CAMKMT: variants seen among roughly 807,000 people sequenced by gnomAD.
CAMKMT encodes calmodulin-lysine N-methyltransferase.
Under a neutral mutation model 48.0 loss-of-function variants are expected in CAMKMT, and 53 were observed. That is an observed-to-expected ratio of 1.10 (90% confidence interval 0.89 to 1.39). The LOEUF (loss-of-function observed/expected upper bound fraction) is 1.39. CAMKMT is among the 40% of genes most tolerant of loss of function. The pLI is 0.00. For missense variants in CAMKMT, 428 were observed against 402.7 expected (o/e 1.06, Z -0.54); for synonymous variants, 165 against 152.3 (o/e 1.08, Z -0.61).
At chr2:44,569,881 G>T (rs1198410646) in intron 3 of CAMKMT, among the ~76,000 whole-genome samples, 4 of 152,266 alleles carry the variant, frequency 2.6e-5, no homozygotes. Flanking sequence ...GATTTTATTT[G>T]TGTAAGGAGT....
chr2:44,556,393 C>T (rs949075684), intron 3 of CAMKMT, among the ~76,000 whole-genome samples: 4 of 150,128 alleles, frequency 2.7e-5, no homozygotes, highest in African/African-American at 9.8e-5. Flanking sequence ...CCTGCCTCGG[C>T]CTCTCAAAGT....
At chr2:44,688,947 T>C (rs1390748510) in intron 3 of CAMKMT, among the ~76,000 whole-genome samples, 1 of 152,216 alleles carries the variant, frequency 6.6e-6, no homozygotes. Flanking sequence ...GTGTAGAGCA[T>C]GCATTCCACA....
intron 3 of CAMKMT, among the ~76,000 whole-genome samples, chr2:44,701,977 T>C (rs537062645): frequency 6.6e-6 from 1 of 151,546 alleles, no homozygotes; most frequent in African/African-American, 2.4e-5. Context: ...GATTTTTTTT[T>C]TTACTTTGTT....
At chr2:44,603,365 A>T (rs1366260312) in intron 3 of CAMKMT, among the ~76,000 whole-genome samples, 3 of 152,200 alleles carry the variant, frequency 2.0e-5, no homozygotes, top group Admixed American at 1.3e-4. Context: ...TGCTGAGATT[A>T]CAGGCATGAG....
intron 6 of CAMKMT, among the ~76,000 whole-genome samples, chr2:44,711,752 T>C (rs1438440416): frequency 6.6e-6 from 1 of 152,220 alleles, no homozygotes; most frequent in African/African-American, 2.4e-5. Context: ...TTGACGTGAA[T>C]TGGGCACCTA....
chr2:44,491,924 GT>G (rs1400032791), intron 3 of CAMKMT, among the ~76,000 whole-genome samples: 1 of 152,140 alleles, frequency 6.6e-6, no homozygotes, highest in Non-Finnish European at 1.5e-5. Context: ...AATCAATTAA[GT>G]AATTAGATTT....
chr2:44,583,170 T>C (rs1402955185), intron 3 of CAMKMT, among the ~76,000 whole-genome samples: 1 of 152,194 alleles, frequency 6.6e-6, no homozygotes, highest in African/African-American at 2.4e-5. Flanking sequence ...AGGAGCTTTA[T>C]TGATTAAAAT....
At chr2:44,520,553 C>T (rs772447809) in intron 3 of CAMKMT, among the ~76,000 whole-genome samples, 10 of 152,112 alleles carry the variant, frequency 6.6e-5, no homozygotes, top group Non-Finnish European at 8.8e-5. Context: ...GTCATGGTAC[C>T]TGCTCCTCTT....
At chr2:44,546,012 T>A (rs1667373965) in intron 3 of CAMKMT, among the ~76,000 whole-genome samples, 2 of 152,070 alleles carry the variant, frequency 1.3e-5, no homozygotes, top group Admixed American at 1.3e-4. Flanking sequence ...AAAAATAAAC[T>A]GTAAGTAAAT....
chr2:44,693,134 C>G (rs1181763122), intron 3 of CAMKMT, among the ~76,000 whole-genome samples: 2 of 152,198 alleles, frequency 1.3e-5, no homozygotes, highest in Non-Finnish European at 2.9e-5. Context: ...ACCACCAGCT[C>G]TCATCTGGAT....
chr2:44,756,359 A>C (rs141004150), intron 9 of CAMKMT, among the ~76,000 whole-genome samples: 2 of 152,168 alleles, frequency 1.3e-5, no homozygotes, highest in Non-Finnish European at 2.9e-5. Context: ...GTTTTATTTC[A>C]TTACAATTAG....
Position 44,527,949 on chromosome 2 carries a change from C to CAAATGTATAA in CAMKMT, c.376+137645_376+137646insAATGTATAAA, listed in dbSNP as rs566888243. 3.9e-3 allele frequency among the ~76,000 whole-genome samples: 601 copies of CAAATGTATAA among 152,198 alleles called. 5 individuals carry two copies. The highest frequency in any genetic ancestry group is 0.014 in the African/African-American group (565 of 41,524). On this transcript the variant is annotated intron_variant, in intron 3 of 10. Coordinates refer to ENST00000378494, the MANE Select transcript of CAMKMT (RefSeq NM_024766.5). Reference sequence around the variant, plus strand: ...AAATGTATAAATGACATGTATTTGCCATGACTGTATCATAGAGAATAGTTT... The same window carrying CAAATGTATAA: ...AAATGTATAAATGACATGTATTTGCCAAATGTATAAATGACTGTATCATAGAGAATAGTTT...
chr2:44,400,450 AC>A (rs1255856221), intron 3 of CAMKMT, among the ~76,000 whole-genome samples: 1 of 152,132 alleles, frequency 6.6e-6, no homozygotes, highest in Non-Finnish European at 1.5e-5. Context: ...TCACCACTCT[AC>A]CCATGGACAT....
chr2:44,492,503 T>C (rs1054458827), intron 3 of CAMKMT, among the ~76,000 whole-genome samples: 1 of 152,168 alleles, frequency 6.6e-6, no homozygotes, highest in South Asian at 2.1e-4. Context: ...AAAAATAATA[T>C]TGCAAGTAAG....
chr2:44,633,434 T>C (rs922495969), intron 3 of CAMKMT, among the ~76,000 whole-genome samples: 1 of 152,198 alleles, frequency 6.6e-6, no homozygotes, highest in Admixed American at 6.5e-5. Flanking sequence ...AATATGTCAC[T>C]GAGGCTCTGT....
chr2:44,694,593 C>T (rs1573096123), intron 3 of CAMKMT, among the ~76,000 whole-genome samples: 1 of 152,120 alleles, frequency 6.6e-6, no homozygotes. Flanking sequence ...TCGAAACTAG[C>T]TACTTCACTA....
chr2:44,434,639 C>G lies in CAMKMT; in HGVS notation c.376+44334C>G, dbSNP rs148392977. 2.7e-3 allele frequency among the ~76,000 whole-genome samples: 408 copies of G among 152,214 alleles called. 1 individual carries two copies. The highest frequency in any genetic ancestry group is 9.3e-3 in the African/African-American group (385 of 41,532). On this transcript the variant is annotated intron_variant, in intron 3 of 10. Transcript: ENST00000378494. ...ATTGTCTCCCCAAGATCAATTAACACAAGTATGTTGAATGAATGAAGCAGC... is the reference window on the plus strand; with the variant it reads ...ATTGTCTCCCCAAGATCAATTAACAGAAGTATGTTGAATGAATGAAGCAGC...
intron 3 of CAMKMT, among the ~76,000 whole-genome samples, chr2:44,612,460 C>G (rs981722055): frequency 2.6e-5 from 4 of 152,140 alleles, no homozygotes; most frequent in African/African-American, 7.2e-5. Flanking sequence ...GGAGAGTTAA[C>G]TTTGAGGAAG....
At chr2:44,445,510 G>A (rs1397329895) in intron 3 of CAMKMT, among the ~76,000 whole-genome samples, 1 of 151,930 alleles carries the variant, frequency 6.6e-6, no homozygotes, top group Non-Finnish European at 1.5e-5. Context: ...TCACAGATAG[G>A]TAATTGTGTC....
Sources: allele counts gnomAD v4.1 joint callset (sites outside exome capture counted in the v4.1 genomes callset), GRCh38; gene constraint gnomAD v4.1.1; transcripts MANE v1.5; gene names NCBI Gene and HGNC (gene_info 2026-07-23, HGNC 2026-07-21).